Variants in ABHD18 observed in about 807,000 individuals in gnomAD.
ABHD18 encodes abhydrolase domain containing 18.
A neutral mutation model predicts 65.9 loss-of-function variants in ABHD18; 55 were observed. The ratio of observed to expected loss-of-function variants is 0.84; its 90% CI spans 0.67 to 1.05. The LOEUF (loss-of-function observed/expected upper bound fraction) is 1.05. ABHD18 is among the 50% of genes least tolerant of loss of function. The pLI is 0.00. For missense variants in ABHD18, 533 were observed against 558.5 expected, an observed-to-expected ratio of 0.95 and a Z score of 0.46; for synonymous variants, 181 against 180.2, an observed-to-expected ratio of 1.00 and a Z score of -0.04.
intron 10 of ABHD18, among the ~76,000 whole-genome samples, chr4:128,028,077 A>G (rs1305497732): frequency 6.6e-6 from 1 of 152,184 alleles, no homozygotes; most frequent in Non-Finnish European, 1.5e-5. Flanking sequence ...ACCACCATCT[A>G]TCTCCAAAAC....
chr4:127,984,126 C>A lies in ABHD18; in HGVS notation c.93-213C>A, dbSNP rs78770516. Among the ~76,000 whole-genome samples the A allele has an allele frequency of 5.0e-3, 762 of 151,886 alleles. 8 individuals carry two copies. The highest frequency in any genetic ancestry group is 0.018 in the African/African-American group (735 of 41,432). On this transcript the variant is annotated intron_variant, in intron 2 of 12. Coordinates refer to ENST00000645843, the MANE Select transcript of ABHD18 (RefSeq NM_001358451.3). The stretch of plus-strand genomic sequence containing the variant: ...TTGTATGTATTAATTACTTTCTGAA[C>A]AATCTATTGTTTCTCACATTTTTCT...
intron 12 of ABHD18, among the ~76,000 whole-genome samples, chr4:128,033,365 C>A (rs1758474911): frequency 6.6e-6 from 1 of 152,066 alleles, no homozygotes; most frequent in Non-Finnish European, 1.5e-5. Flanking sequence ...CACCAACATG[C>A]AAATATCCAC....
At position 128,034,621 on chromosome 4, in the gene ABHD18, G is replaced by A. The variant is rs76678657; in HGVS notation, c.1344-1141G>A. Among the ~76,000 whole-genome samples the A allele has an allele frequency of 5.2e-3, 788 of 151,970 alleles. 8 individuals are homozygous for A. The highest frequency in any genetic ancestry group is 0.018 in the African/African-American group (759 of 41,492). ...AAAAAGAAAAGAAAAAATATCTTATGGAAGATAAAATTTGTCTATTCCTTT... is the reference window on the plus strand; with the variant it reads ...AAAAAGAAAAGAAAAAATATCTTATAGAAGATAAAATTTGTCTATTCCTTT... On this transcript the variant is annotated intron_variant, in intron 12 of 12. Coordinates refer to ENST00000645843, the MANE Select transcript of ABHD18 (RefSeq NM_001358451.3).
At chr4:128,027,313 C>T (rs1757514212) in intron 10 of ABHD18, among the ~76,000 whole-genome samples, 1 of 152,156 alleles carries the variant, frequency 6.6e-6, no homozygotes, top group Non-Finnish European at 1.5e-5. Context: ...CATATCCCAT[C>T]ATTAAGCAAC....
intron 12 of ABHD18, among the ~76,000 whole-genome samples, chr4:128,032,999 A>T (rs1012440453): frequency 6.6e-6 from 1 of 152,084 alleles, no homozygotes; most frequent in Non-Finnish European, 1.5e-5. Flanking sequence ...CACGCCTGTA[A>T]TCCCAGCACT....
At chr4:128,033,762 T>C (rs576463827) in intron 12 of ABHD18, among the ~76,000 whole-genome samples, 241 of 151,672 alleles carry the variant, frequency 1.6e-3, no homozygotes, top group Middle Eastern at 3.4e-3. Context: ...GGTCTCGATC[T>C]CCTGACCTCG....
chr4:127,971,763 C>G (rs907181581), intron 1 of ABHD18, among the ~76,000 whole-genome samples: 1 of 152,152 alleles, frequency 6.6e-6, no homozygotes, highest in African/African-American at 2.4e-5. Flanking sequence ...GCTGGGATTA[C>G]AGGCGTGAGC....
At chr4:128,013,797 A>G (rs1229661889) in intron 7 of ABHD18, among the ~76,000 whole-genome samples, 1 of 151,986 alleles carries the variant, frequency 6.6e-6, no homozygotes, top group Admixed American at 6.6e-5. Flanking sequence ...AGTGCTGGAG[A>G]TGTAGATTTG....
Position 128,009,164 on chromosome 4 carries a change from G to C in ABHD18, c.415G>C (p.Ala139Pro). The change falls in exon 6 of 13, where the codon GCT (alanine) becomes CCT (proline). Residue 139 changes from alanine (A) to proline (P), a missense_variant. Around this residue, in one of 3 missense-constraint regions of ABHD18, gnomAD observed 309 missense variants for 313.5 expected, o/e 0.99. Coordinates refer to ENST00000645843, the MANE Select transcript of ABHD18 (RefSeq NM_001358451.3). ...ARPMIKEARM[A>P]SLLLENPYYG... Reference sequence around the variant, plus strand: ...TCCTATGATTAAAGAAGCCCGAATGGCTTCTTTATTGTTAGAAAACCCTTA... The same window carrying C: ...TCCTATGATTAAAGAAGCCCGAATGCCTTCTTTATTGTTAGAAAACCCTTA... 6.6e-7 allele frequency: 1 copy of C among 1,515,894 alleles called. No individual in the cohort carries two copies. The highest frequency in any genetic ancestry group is 8.7e-7 in the Non-Finnish European group (1 of 1,145,034). 93.9% of individuals were successfully genotyped at this position (1,515,894 alleles called of 1,614,324 possible). A position where few individuals can be genotyped will look rare whatever the true frequency, so the allele number is the denominator to read the frequency against.
At chr4:128,035,731 C>T (rs1330526727) in intron 12 of ABHD18, 31 bp from the exon 13 acceptor site, 4 of 1,392,268 alleles carry the variant, frequency 2.9e-6, no homozygotes, top group Admixed American at 2.2e-5. Flanking sequence ...TTGTTAGTTA[C>T]TTAGAGTTTT....
At chr4:128,011,756 T>G in intron 7 of ABHD18, 56 bp downstream of exon 7, 2 of 1,371,642 alleles carry the variant, frequency 1.5e-6, no homozygotes, top group Non-Finnish European at 1.9e-6. Context: ...CCAGCAGTAT[T>G]AAAATTTTGG....
intron 12 of ABHD18, 163 bp downstream of exon 12, chr4:128,030,835 C>G: frequency 1.5e-6 from 2 of 1,370,102 alleles, no homozygotes; most frequent in East Asian, 3.0e-5. Context: ...TCCCTCTTTC[C>G]TAGAATTTGA....
In ABHD18 at chr4:127,982,995, C is replaced by T; in HGVS notation, c.40C>T (p.Leu14Phe). 1 of 1,566,196 alleles carries T rather than the reference C, an allele frequency of 6.4e-7. No individual in the cohort carries two copies. The highest frequency in any genetic ancestry group is 2.3e-5 in the East Asian group (1 of 42,820). The change falls in exon 2 of 13, where the codon CTC (leucine) becomes TTC (phenylalanine). Residue 14 changes from leucine to phenylalanine, a missense_variant. Physicochemically the swap from Leu to Phe is conservative, Grantham distance 22. Transcript: ENST00000645843. ...GTTAGATATTCTATACCGGAGACTT[C>T]TCCTAACAAAACTTTTTATCAGAGG... The part of the protein sequence containing the change: ...SKLDILYRRL[L>F]LTKLFIRGWG...
chr4:128,028,537 A>G lies in ABHD18; in HGVS notation c.864A>G (p.Leu288=). The G allele has an allele frequency of 6.2e-7, 1 of 1,609,926 alleles. No homozygotes were observed. Among genetic ancestry groups the G allele is most frequent in the Non-Finnish European group, 8.5e-7 (1 of 1,177,840 alleles). ...VKHFTSSADK[L]TNLNLVSRTL... is the part of the protein sequence containing the mutation. ...ACTTCACTAGCAGTGCAGACAAGCT[A>G]ACTAACCTTAATCTGGTTTCCAGAA... is the stretch of plus-strand genomic sequence containing the variant. The change falls in exon 11 of 13, where the codon CTA becomes CTG. Residue 288 remains leucine (L), a synonymous_variant. Coordinates refer to ENST00000645843, the MANE Select transcript of ABHD18 (RefSeq NM_001358451.3).
chr4:127,996,208 T>C (rs1751705549), intron 4 of ABHD18, among the ~76,000 whole-genome samples: 1 of 152,218 alleles, frequency 6.6e-6, no homozygotes, highest in South Asian at 2.1e-4. Flanking sequence ...AAAATTTAAC[T>C]GTTCAGATAC....
In ABHD18 at chr4:128,030,551, G is replaced by C; in HGVS notation, c.1222G>C (p.Glu408Gln). Residue 408 changes from glutamate (E) to glutamine (Q), a missense_variant, in exon 12 of 13, where the codon GAA (glutamate) becomes CAA (glutamine). Glu to Gln is a conservative substitution (Grantham distance 29). Around this residue, in one of 3 missense-constraint regions of ABHD18, gnomAD observed 220 missense variants for 226.8 expected, o/e 0.97. Transcript: ENST00000645843. ...CCTCATTATAGTGGTTCAAGCCAAAGAAGATGCCTATATTCCACGAACAGG... is the reference window on the plus strand; with the variant it reads ...CCTCATTATAGTGGTTCAAGCCAAACAAGATGCCTATATTCCACGAACAGG... ...PSLIIVVQAK[E>Q]DAYIPRTGVR... 6.2e-7 allele frequency: 1 copy of C among 1,602,302 alleles called. No homozygotes were observed. Among genetic ancestry groups the C allele is most frequent in the Non-Finnish European group, 8.5e-7 (1 of 1,177,896 alleles).
rs1452820284 is a variant in ABHD18, at chr4:128,039,186, A to T, written c.*3373A>T. The T allele has an allele frequency of 9.0e-6, 1 of 111,106 alleles. No homozygotes were observed. The highest frequency in any genetic ancestry group is 3.3e-5 in the African/African-American group (1 of 30,730). The allele number at this position is 111,106 out of a possible 1,614,324, so 6.9% of individuals were successfully genotyped here. ...ATATATATATATATATATATATATA[A>T]TCTCAAAGAAGTGCGGTCTGCCATT... On this transcript the variant is annotated 3_prime_UTR_variant, in exon 13 of 13. Coordinates refer to ENST00000645843, the MANE Select transcript of ABHD18 (RefSeq NM_001358451.3).
intron 4 of ABHD18, among the ~76,000 whole-genome samples, chr4:128,008,345 C>T (rs1251121181): frequency 3.5e-5 from 5 of 140,852 alleles, no homozygotes; most frequent in South Asian, 2.4e-4. Flanking sequence ...AATCTCGGCT[C>T]ACTGCAACCT....
At chr4:127,990,383 C>A (rs150803860) in intron 4 of ABHD18, among the ~76,000 whole-genome samples, 1 of 151,840 alleles carries the variant, frequency 6.6e-6, no homozygotes, top group Non-Finnish European at 1.5e-5. Flanking sequence ...GCCAACGTGG[C>A]GAAACCCCAT....
Sources: allele counts gnomAD v4.1 joint callset (sites outside exome capture counted in the v4.1 genomes callset), GRCh38; gene constraint gnomAD v4.1.1; regional missense constraint gnomAD v4.1.1; transcripts MANE v1.5; gene names NCBI Gene and HGNC (gene_info 2026-07-23, HGNC 2026-07-21).